Variants in FHIP1A observed in about 807,000 individuals in gnomAD.
FHIP1A encodes the protein FHF complex subunit HOOK-interacting protein 1A.
Under a neutral mutation model 88.6 loss-of-function variants are expected in FHIP1A, and 61 were observed. That is an observed-to-expected ratio of 0.69 (90% confidence interval 0.56 to 0.85). FHIP1A has a LOEUF of 0.85. Ranked by LOEUF, FHIP1A falls within the 40% of genes least tolerant of loss-of-function variation. FHIP1A has a pLI of 0.00. For missense variants in FHIP1A, 1,154 were observed against 1,273.5 expected (o/e 0.91, Z 1.43); for synonymous variants, 478 against 496.0 (o/e 0.96, Z 0.48).
At chr4:151,652,694 A>C (rs1737073714) in intron 11 of FHIP1A, among the ~76,000 whole-genome samples, 1 of 152,194 alleles carries the variant, frequency 6.6e-6, no homozygotes, top group East Asian at 1.9e-4. Context: ...GGCCTCACAG[A>C]GGAGGGGCAT....
At chr4:151,628,572 A>T (rs1736039408) in intron 7 of FHIP1A, among the ~76,000 whole-genome samples, 1 of 152,232 alleles carries the variant, frequency 6.6e-6, no homozygotes, top group Non-Finnish European at 1.5e-5. Context: ...GTGACAACTA[A>T]CACTTTTAAA....
intron 3 of FHIP1A, among the ~76,000 whole-genome samples, chr4:151,493,515 CA>C (rs560881602): frequency 6.7e-5 from 10 of 149,390 alleles, no homozygotes; most frequent in Non-Finnish European, 1.0e-4. Context: ...AAGGACGTAC[CA>C]AAAAAAAAGA....
intron 1 of FHIP1A, among the ~76,000 whole-genome samples, chr4:151,414,458 T>G (rs1732809974): frequency 1.3e-5 from 2 of 152,228 alleles, no homozygotes; most frequent in South Asian, 4.1e-4. Context: ...CAAATGGTTT[T>G]TCGAGTCTGC....
chr4:151,577,514 C>A lies in FHIP1A; in HGVS notation c.170C>A (p.Pro57His). The A allele has an allele frequency of 6.4e-7, 1 of 1,551,578 alleles. No individual in the cohort carries two copies. The highest frequency in any genetic ancestry group is 8.7e-7 in the Non-Finnish European group (1 of 1,146,872). The change falls in exon 5 of 14, where the codon CCT becomes CAT. Residue 57 changes from proline to histidine, a missense_variant. Pro to His is a moderately conservative substitution (Grantham distance 77). Transcript: ENST00000435205. ...ACCCAGGCAAAATATGGGTCTATCC[C>A]TCCAGATGAGGCCAGTGCCGTGCAG... Reference protein sequence around the residue: ...KNTQAKYGSIPPDEASAVQNY... With the variant: ...KNTQAKYGSIHPDEASAVQNY...
intron 3 of FHIP1A, among the ~76,000 whole-genome samples, chr4:151,511,329 TC>T (rs1264726961): frequency 6.6e-6 from 1 of 152,192 alleles, no homozygotes; most frequent in Admixed American, 6.5e-5. Context: ...TAGGAACCGC[TC>T]CGGTCTACAG....
At chr4:151,410,187 A>G (rs1048859822) in intron 1 of FHIP1A, among the ~76,000 whole-genome samples, 2 of 152,196 alleles carry the variant, frequency 1.3e-5, no homozygotes, top group Non-Finnish European at 1.5e-5. Context: ...TCACATGAGC[A>G]GGTCTAGTGA....
At chr4:151,508,718 C>T (rs1421430842) in intron 3 of FHIP1A, among the ~76,000 whole-genome samples, 2 of 152,160 alleles carry the variant, frequency 1.3e-5, no homozygotes, top group Admixed American at 1.3e-4. Context: ...GACTTGGAAC[C>T]CACTGAGTCC....
intron 2 of FHIP1A, among the ~76,000 whole-genome samples, chr4:151,456,069 T>C (rs1429045517): frequency 6.6e-6 from 1 of 151,996 alleles, no homozygotes; most frequent in Non-Finnish European, 1.5e-5. Flanking sequence ...ACATCATCTA[T>C]GGAAAAAAAA....
chr4:151,508,006 A>G (rs1276930788), intron 3 of FHIP1A, among the ~76,000 whole-genome samples: 1 of 152,202 alleles, frequency 6.6e-6, no homozygotes, highest in Non-Finnish European at 1.5e-5. Flanking sequence ...TAGAATGAAA[A>G]CTGAAGAGGC....
intron 8 of FHIP1A, among the ~76,000 whole-genome samples, chr4:151,633,135 A>G (rs904368671): frequency 6.6e-6 from 1 of 151,916 alleles, no homozygotes; most frequent in Non-Finnish European, 1.5e-5. Context: ...AGGCGACATT[A>G]CACCTTATGC....
intron 1 of FHIP1A, among the ~76,000 whole-genome samples, chr4:151,423,738 A>G (rs961351605): frequency 6.6e-6 from 1 of 152,234 alleles, no homozygotes; most frequent in Non-Finnish European, 1.5e-5. Flanking sequence ...GGGGAGGTTC[A>G]AAAGGTGTGC....
At chr4:151,443,006 G>T (rs750682704) in intron 1 of FHIP1A, among the ~76,000 whole-genome samples, 2 of 152,048 alleles carry the variant, frequency 1.3e-5, no homozygotes, top group Non-Finnish European at 2.9e-5. Flanking sequence ...TGGCTATAGC[G>T]CTGGCACTTT....
chr4:151,425,834 T>G (rs1490307610), intron 1 of FHIP1A, among the ~76,000 whole-genome samples: 1 of 152,188 alleles, frequency 6.6e-6, no homozygotes, highest in African/African-American at 2.4e-5. Flanking sequence ...TGTCCCTGTC[T>G]AATTTCTTTC....
chr4:151,480,587 C>G (rs1051717557), intron 2 of FHIP1A, among the ~76,000 whole-genome samples: 2 of 151,974 alleles, frequency 1.3e-5, no homozygotes, highest in Non-Finnish European at 2.9e-5. Context: ...TGTAAAACCC[C>G]TTGCGATTAA....
chr4:151,421,473 T>A (rs959314253), intron 1 of FHIP1A, among the ~76,000 whole-genome samples: 5 of 152,198 alleles, frequency 3.3e-5, no homozygotes, highest in East Asian at 1.9e-4. Context: ...TTTTAAAATT[T>A]AAAAAAATTT....
chr4:151,608,232 ACAGAGTTTCAC>A (rs1159643770), intron 7 of FHIP1A, among the ~76,000 whole-genome samples: 1 of 150,942 alleles, frequency 6.6e-6, no homozygotes, highest in Non-Finnish European at 1.5e-5. Flanking sequence ...TTTAGTGAAG[ACAGAGTTTCAC>A]CATGTTGGCC....
intron 1 of FHIP1A, among the ~76,000 whole-genome samples, chr4:151,430,598 G>A (rs1733553842): frequency 6.6e-6 from 1 of 152,150 alleles, no homozygotes; most frequent in Non-Finnish European, 1.5e-5. Context: ...ATTTTAAGTA[G>A]GAGTAATTGA....
chr4:151,418,140 C>T (rs889082199), intron 1 of FHIP1A, among the ~76,000 whole-genome samples: 5 of 140,854 alleles, frequency 3.5e-5, no homozygotes, highest in African/African-American at 1.3e-4. Flanking sequence ...TCACTGCATT[C>T]CAGCCTTGGT....
chr4:151,589,708 C>G (rs915470943), intron 7 of FHIP1A, among the ~76,000 whole-genome samples: 6 of 152,154 alleles, frequency 3.9e-5, no homozygotes, highest in Non-Finnish European at 8.8e-5. Context: ...TTTCTATGGA[C>G]TTTTATTTTA....
Sources: gnomAD v4.1 joint callset for allele counts (sites outside exome capture counted in the v4.1 genomes callset) on GRCh38, gnomAD v4.1.1 for gene constraint, MANE v1.5 for transcripts, NCBI Gene and HGNC (gene_info 2026-07-23, HGNC 2026-07-21) for gene names.